IFT52: variants seen among roughly 807,000 people sequenced by gnomAD.
IFT52 encodes the protein intraflagellar transport 52.
Under a neutral mutation model 54.4 loss-of-function variants are expected in IFT52, and 44 were observed. The observed-to-expected ratio is 0.81, with a 90% CI of 0.63 to 1.04. The LOEUF (loss-of-function observed/expected upper bound fraction) is 1.04, where lower values mean the gene tolerates loss of function less well. Ranked by LOEUF, IFT52 falls within the 50% of genes least tolerant of loss-of-function variation. The pLI, the probability that IFT52 is intolerant of heterozygous loss-of-function variation, is 0.00. For synonymous variants in IFT52, 181 were observed against 185.3 expected (o/e 0.98, Z 0.19); for missense variants, 452 against 523.6 (o/e 0.86, Z 1.33).
At chr20:43,637,675 T>A (rs898126119) in intron 12 of IFT52, among the ~76,000 whole-genome samples, 2 of 152,180 alleles carry the variant, frequency 1.3e-5, no homozygotes, top group African/African-American at 2.4e-5. Context: ...AAACAAAATA[T>A]GAATAGGAGT....
At chr20:43,591,357 G>T (rs879556140) in intron 1 of IFT52, among the ~76,000 whole-genome samples, 1 of 152,248 alleles carries the variant, frequency 6.6e-6, no homozygotes, top group Admixed American at 6.5e-5. Flanking sequence ...CGGTATTCAT[G>T]TGGGAAAATA....
intron 13 of IFT52, among the ~76,000 whole-genome samples, chr20:43,642,950 C>T (rs189772475): frequency 2.6e-5 from 4 of 151,624 alleles, no homozygotes; most frequent in South Asian, 2.1e-4. Flanking sequence ...GCAGATCACC[C>T]GAGGTCAGGA....
Position 43,634,476 on chromosome 20 carries a change from A to T in IFT52, c.924-1450A>T, listed in dbSNP as rs545242322. Among the ~76,000 whole-genome samples, 31 of 152,328 alleles carry T rather than the reference A, an allele frequency of 2.0e-4. No homozygotes were observed. The South Asian group carries it at 4.1e-3, about 20-fold the overall frequency. ...ACAGACAGAAACTAGACTAACTTCC[A>T]TGAAATTAAATTCCATTAAAATATT... On this transcript the variant is annotated intron_variant, in intron 10 of 13. Transcript: ENST00000373030.
intron 8 of IFT52, 151 bp downstream of exon 8, chr20:43,619,177 T>C: frequency 3.2e-6 from 2 of 624,190 alleles, no homozygotes; most frequent in Non-Finnish European, 5.6e-6. Flanking sequence ...GAGTCAGGCA[T>C]AGTCCCAGTC....
chr20:43,600,319 T>C (rs79108465), intron 3 of IFT52, among the ~76,000 whole-genome samples: 5 of 151,732 alleles, frequency 3.3e-5, no homozygotes, highest in African/African-American at 9.7e-5. Context: ...TTTTTTTTTT[T>C]CCTGAGACGG....
chr20:43,602,542 T>C lies in IFT52; in HGVS notation c.208-1218T>C, dbSNP rs150159365. Among the ~76,000 whole-genome samples the C allele has an allele frequency of 7.3e-3, 1,116 of 152,212 alleles. 15 individuals carry two copies. Among genetic ancestry groups the C allele is most frequent in the African/African-American group, 0.025 (1,031 of 41,526 alleles). ...TTTCGTTTTTGAGATGGAATCTTGC[T>C]CTGTTGCCCAGGCTGGAATGCAGTG... On this transcript the variant is annotated intron_variant, in intron 3 of 13. Coordinates refer to ENST00000373030, the MANE Select transcript of IFT52 (RefSeq NM_016004.5).
intron 3 of IFT52, among the ~76,000 whole-genome samples, chr20:43,597,303 G>A (rs192871522): frequency 2.1e-3 from 311 of 150,978 alleles, no homozygotes; most frequent in African/African-American, 7.1e-3. Flanking sequence ...CCTGGGAGGC[G>A]GAGCTTGCTG....
chr20:43,623,465 G>A (rs1341698996), intron 9 of IFT52, among the ~76,000 whole-genome samples: 1 of 152,222 alleles, frequency 6.6e-6, no homozygotes, highest in Non-Finnish European at 1.5e-5. Flanking sequence ...GTAGGTGTGA[G>A]CCACTGCACC....
At chr20:43,623,759 A>C (rs1984511267) in intron 9 of IFT52, 132 bp from the exon 10 acceptor site, 2 of 1,004,050 alleles carry the variant, frequency 2.0e-6, no homozygotes, top group Admixed American at 5.4e-5. Flanking sequence ...GTTTAGTGTC[A>C]GTGATCATGA....
chr20:43,607,288 G>A (rs1422080169), intron 6 of IFT52, among the ~76,000 whole-genome samples: 2 of 148,842 alleles, frequency 1.3e-5, no homozygotes, highest in African/African-American at 5.1e-5. Flanking sequence ...CCTCCCGGAC[G>A]GGGCGGCTGG....
At chr20:43,592,081 G>A (rs1298483221) in intron 1 of IFT52, among the ~76,000 whole-genome samples, 1 of 152,158 alleles carries the variant, frequency 6.6e-6, no homozygotes, top group African/African-American at 2.4e-5. Flanking sequence ...CCAGTCGAGC[G>A]AGGTGGCTCA....
intron 10 of IFT52, among the ~76,000 whole-genome samples, chr20:43,628,324 G>C (rs761626404): frequency 6.6e-6 from 1 of 152,146 alleles, no homozygotes; most frequent in Non-Finnish European, 1.5e-5. Context: ...CAGAGGGGAG[G>C]AATCTAGAGA....
chr20:43,624,265 A>T (rs1424868066), intron 10 of IFT52: 5 of 558,180 alleles, frequency 9.0e-6, no homozygotes. Flanking sequence ...CAGATTCTGG[A>T]CCAGGCATTT....
intron 12 of IFT52, among the ~76,000 whole-genome samples, chr20:43,639,319 G>T (rs970032537): frequency 6.6e-6 from 1 of 151,480 alleles, no homozygotes; most frequent in African/African-American, 2.4e-5. Flanking sequence ...AGGAGGATCA[G>T]TTGAGGCTGG....
intron 7 of IFT52, 111 bp from the exon 8 acceptor site, chr20:43,618,829 T>G: frequency 1.4e-6 from 1 of 693,846 alleles, no homozygotes; most frequent in South Asian, 1.8e-5. Context: ...GAATTGGCAC[T>G]CTTCAGTATA....
At chr20:43,593,454 C>T (rs914189101) in intron 1 of IFT52, among the ~76,000 whole-genome samples, 1 of 152,126 alleles carries the variant, frequency 6.6e-6, no homozygotes, top group Non-Finnish European at 1.5e-5. Context: ...TGTTGTTTAA[C>T]ATTGATGTTT....
chr20:43,604,323 C>A, intron 5 of IFT52, 65 bp downstream of exon 5: 2 of 1,186,144 alleles, frequency 1.7e-6, no homozygotes, highest in African/African-American at 1.5e-5. Flanking sequence ...AATCCCAGCA[C>A]TTTGGGAAGC....
chr20:43,604,241 CAGTGG>C lies in IFT52; in HGVS notation c.400_404del (p.Gly134LeufsTer6). On this transcript the variant is annotated frameshift_variant, in exon 5 of 14. Coordinates refer to ENST00000373030, the MANE Select transcript of IFT52 (RefSeq NM_016004.5). LOFTEE classifies it high-confidence loss of function. ...TCCATCCTAAAGAAGCTCTAGTTTC[CAGTGG>C]AGTCTTGAACAGGTAAGCATGTTGA... 6.2e-7 allele frequency: 1 copy of C among 1,610,520 alleles called. No homozygotes were observed. The highest frequency in any genetic ancestry group is 8.5e-7 in the Non-Finnish European group (1 of 1,176,828).
intron 10 of IFT52, among the ~76,000 whole-genome samples, chr20:43,626,571 A>T (rs930333854): frequency 6.6e-6 from 1 of 152,066 alleles, no homozygotes; most frequent in Non-Finnish European, 1.5e-5. Flanking sequence ...TAAAATCAGG[A>T]TGAATCTTTT....
Sources: allele counts gnomAD v4.1 joint callset (sites outside exome capture counted in the v4.1 genomes callset), GRCh38; gene constraint gnomAD v4.1.1; transcripts MANE v1.5; gene names NCBI Gene and HGNC (gene_info 2026-07-23, HGNC 2026-07-21).